The following GMPPA variants were observed in gnomAD, a reference collection of about 807,000 sequenced individuals.
The protein encoded by GMPPA is mannose-1-phosphate guanylyltransferase regulatory subunit alpha.
GMPPA carries 46 observed loss-of-function variants against 58.6 expected under a neutral mutation model. That is an observed-to-expected ratio of 0.78 (90% CI 0.62 to 1.00). The LOEUF (loss-of-function observed/expected upper bound fraction) is 1.00. Ranked by LOEUF, GMPPA falls within the 50% of genes least tolerant of loss-of-function variation. The pLI, the probability that GMPPA is intolerant of heterozygous loss-of-function variation, is 0.00. For synonymous variants in GMPPA, 211 were observed against 214.9 expected, an observed-to-expected ratio of 0.98 and a Z score of 0.16; for missense variants, 468 against 556.4, an observed-to-expected ratio of 0.84 and a Z score of 1.60.
Position 219,505,249 on chromosome 2 carries a change from G to T in GMPPA, c.642G>T (p.Trp214Cys). The change falls in exon 8 of 13, where the codon TGG becomes TGT. Residue 214 changes from tryptophan to cysteine, a missense_variant. Physicochemically the swap from Trp to Cys is radical, Grantham distance 215. Coordinates refer to ENST00000313597, the MANE Select transcript of GMPPA (RefSeq NM_013335.4). ...DGQLEDSPGL[W>C]PGAGTIRLEQ... ...CCAGGGAGGACTCACCAGGCTTGTG[G>T]CCAGGGGCAGGTACCATCCGCCTAG... The T allele has an allele frequency of 6.2e-7, 1 of 1,614,080 alleles. No homozygotes were observed. Among genetic ancestry groups the T allele is most frequent in the Non-Finnish European group, 8.5e-7 (1 of 1,179,924 alleles).
In GMPPA at chr2:219,506,890, G is replaced by A; in HGVS notation, c.*92G>A. 1 of 714,634 alleles carries A rather than the reference G, an allele frequency of 1.4e-6. No homozygotes were observed. Among genetic ancestry groups the A allele is most frequent in the Non-Finnish European group, 2.6e-6 (1 of 390,822 alleles). The allele number at this position is 714,634 out of a possible 1,614,324, so 44.3% of individuals were successfully genotyped here. A position where few individuals can be genotyped will look rare whatever the true frequency, so the allele number is the denominator to read the frequency against. On this transcript the variant is annotated 3_prime_UTR_variant, in exon 13 of 13. Transcript: ENST00000313597. ...CTCTGTCCAGAAAGGACCAGAGAAAGCCAGGCTGGATCGTCACATGCCGGG... is the reference window on the plus strand; with the variant it reads ...CTCTGTCCAGAAAGGACCAGAGAAAACCAGGCTGGATCGTCACATGCCGGG...
chr2:219,500,228 G>A lies in GMPPA; in HGVS notation c.138+10G>A. Reference sequence around the variant, plus strand: ...TGAAGCCTGTGCCCAGGTAACCTCAGGGGCTCCCCTCTCTCACCTCACTTC... The same window carrying A: ...TGAAGCCTGTGCCCAGGTAACCTCAAGGGCTCCCCTCTCTCACCTCACTTC... On this transcript the variant is annotated intron_variant, in intron 3 of 12. Coordinates refer to ENST00000313597, the MANE Select transcript of GMPPA (RefSeq NM_013335.4). 2 of 1,451,726 alleles carry A rather than the reference G, an allele frequency of 1.4e-6. No individual in the cohort carries two copies. The highest frequency in any genetic ancestry group is 1.9e-6 in the Non-Finnish European group (2 of 1,050,790). 89.9% of individuals were successfully genotyped at this position (1,451,726 alleles called of 1,614,324 possible).
In GMPPA at chr2:219,505,720, G is replaced by T. The variant is rs1439321584; in HGVS notation, c.859G>T (p.Val287Leu). ...TPGGPWIRGN[V>L]YIHPTAKVAP... is the part of the protein sequence containing the mutation. ...GGCCTCTCTTCTGCTTCTAGGGAATGTGTACATCCACCCGACCGCCAAGGT... is the reference window on the plus strand; with the variant it reads ...GGCCTCTCTTCTGCTTCTAGGGAATTTGTACATCCACCCGACCGCCAAGGT... Residue 287 changes from valine (V) to leucine (L), a missense_variant, in exon 10 of 13, where the codon GTG (valine) becomes TTG (leucine). Physicochemically the swap from Val to Leu is conservative, Grantham distance 32. Transcript: ENST00000313597. The T allele has an allele frequency of 1.2e-6, 2 of 1,612,314 alleles. No homozygotes were observed. The highest frequency in any genetic ancestry group is 3.3e-5 in the Admixed American group (2 of 60,012).
intron 12 of GMPPA, 51 bp from the exon 13 acceptor site, chr2:219,506,647 C>A: frequency 8.9e-7 from 1 of 1,122,452 alleles, no homozygotes; most frequent in Non-Finnish European, 1.3e-6. Flanking sequence ...CAGCTCCCTG[C>A]CCCTGTCTCC....
rs370710427 is a variant in GMPPA at position 219,506,410 on chromosome 2, A to C, written c.1150A>C (p.Ile384Leu). The change falls in exon 12 of 13, where the codon ATC becomes CTC. Residue 384 changes from isoleucine (I) to leucine (L), a missense_variant. Ile to Leu is a conservative substitution (Grantham distance 5, BLOSUM62 2). Transcript: ENST00000313597. ...CAAGGACGGGAAGCTGCTGCCTGCT[A>C]TCACCATCCTGGGTATGGCTTCCTG... ...LFKDGKLLPA[I>L]TILGCRVRIP... 5 of 1,612,478 alleles carry C rather than the reference A, an allele frequency of 3.1e-6. No homozygotes were observed. Among genetic ancestry groups the C allele is most frequent in the Non-Finnish European group, 3.4e-6 (4 of 1,179,532 alleles).
rs1008731693 is a variant in GMPPA, at chr2:219,502,771, G to C, written c.489+330G>C. Among the ~76,000 whole-genome samples the C allele has an allele frequency of 9.9e-5, 15 of 152,118 alleles. No individual in the cohort carries two copies. The highest frequency in any genetic ancestry group is 2.1e-4 in the Non-Finnish European group (14 of 68,004). On this transcript the variant is annotated intron_variant, in intron 6 of 12. Transcript: ENST00000313597. The surrounding 1 kb of genome is among the most constrained non-coding windows in gnomAD (Gnocchi z 4.0). ...GTCTGAGCAGAGTCCCATTTGTCTA[G>C]ATGACAAAGGAGACAGGAAGGTACT...
At position 219,505,439 on chromosome 2, in the gene GMPPA, TC is replaced by T. The variant is rs1228941298; in HGVS notation, c.756-14del. 6.3e-7 allele frequency: 1 copy of T among 1,591,694 alleles called. No individual in the cohort carries two copies. Among genetic ancestry groups the T allele is most frequent in the Non-Finnish European group, 8.6e-7 (1 of 1,168,790 alleles). The stretch of plus-strand genomic sequence containing the variant: ...GGCCCTGCTGACCCCTGAGCCCCTG[TC>T]CCCCTTGCGGTCCCCAGTTCAGCCC... On this transcript the variant is annotated intron_variant, in intron 8 of 12. Transcript: ENST00000313597.
At chr2:219,503,723 CAG>C (rs1694478489) in intron 6 of GMPPA, among the ~76,000 whole-genome samples, 1 of 152,238 alleles carries the variant, frequency 6.6e-6, no homozygotes, top group South Asian at 2.1e-4. Flanking sequence ...AGAGGACGCA[CAG>C]AGAGAGTGAC....
At position 219,505,291 on chromosome 2, in the gene GMPPA, A is replaced by C; in HGVS notation, c.684A>C (p.Ser228=). ...GTIRLEQDVF[S]ALAGQGQIYV... is the part of the protein sequence containing the mutation. ...TCCGCCTAGAGCAGGATGTGTTTTC[A>C]GCCCTGGCAGGGCAGGGCCAGATAT... The change falls in exon 8 of 13, where the codon TCA becomes TCC. Residue 228 remains serine (S), a synonymous_variant. Coordinates refer to ENST00000313597, the MANE Select transcript of GMPPA (RefSeq NM_013335.4). The C allele has an allele frequency of 6.2e-7, 1 of 1,613,878 alleles. No individual in the cohort carries two copies. Among genetic ancestry groups the C allele is most frequent in the East Asian group, 2.2e-5 (1 of 44,880 alleles).
Position 219,505,314 on chromosome 2 carries a change from T to TA in GMPPA, c.708dup (p.Tyr237IlefsTer6). ...TCAGCCCTGGCAGGGCAGGGCCAGA[T>TA]ATACGTGCATCTCACTGATGGTATC... On this transcript the variant is annotated frameshift_variant, in exon 8 of 13. Coordinates refer to ENST00000313597, the MANE Select transcript of GMPPA (RefSeq NM_013335.4). LOFTEE classifies it high-confidence loss of function. 1 of 1,614,038 alleles carries TA rather than the reference T, an allele frequency of 6.2e-7. No homozygotes were observed. Among genetic ancestry groups the TA allele is most frequent in the Non-Finnish European group, 8.5e-7 (1 of 1,179,970 alleles).
At chr2:219,505,897 T>C (rs1175456344) in intron 10 of GMPPA, 83 bp from the exon 11 acceptor site, 1 of 1,150,468 alleles carries the variant, frequency 8.7e-7, no homozygotes, top group East Asian at 2.5e-5. Flanking sequence ...AGGTCACTTA[T>C]GCCTTATCTG....
rs1306519028 is a variant in GMPPA at position 219,501,934 on chromosome 2, C to T, written c.326C>T (p.Ala109Val). ...RDQILAGSPE[A>V]FFVLNADVCS... The stretch of plus-strand genomic sequence containing the variant: ...CAGATCCTGGCTGGGAGCCCCGAGG[C>T]ATTCTTCGTGCTCAATGCTGATGTC... The change falls in exon 5 of 13, where the codon GCA (alanine) becomes GTA (valine). Residue 109 changes from alanine to valine, a missense_variant. Physicochemically the swap from Ala to Val is moderately conservative, Grantham distance 64 (BLOSUM62 0). Transcript: ENST00000313597. 3.1e-6 allele frequency: 5 copies of T among 1,614,146 alleles called. No individual in the cohort carries two copies. Among genetic ancestry groups the T allele is most frequent in the Non-Finnish European group, 4.2e-6 (5 of 1,179,968 alleles).
In GMPPA at chr2:219,504,067, C is replaced by T. The variant is rs995824237; in HGVS notation, c.490-16C>T. ...TAGTCCCTTCTTCTACTGAACCCAG[C>T]CTGCTCTGTCCTCAGGTATTGCACT... On this transcript the variant is annotated splice_polypyrimidine_tract_variant and intron_variant, in intron 6 of 12. Transcript: ENST00000313597. 1.9e-6 allele frequency: 3 copies of T among 1,613,762 alleles called. No individual in the cohort carries two copies. The African/African-American group carries it at 4.0e-5, about 22-fold the overall frequency.
At chr2:219,506,205 C>T in intron 11 of GMPPA, 49 bp from the exon 12 acceptor site, 1 of 1,561,836 alleles carries the variant, frequency 6.4e-7, no homozygotes, top group Non-Finnish European at 8.7e-7. Flanking sequence ...CCTCCGGTTC[C>T]TGCTGCCTCC....
At chr2:219,506,564 T>A in intron 12 of GMPPA, 134 bp from the exon 13 acceptor site, 1 of 1,014,730 alleles carries the variant, frequency 9.9e-7, no homozygotes, top group Non-Finnish European at 1.5e-6. Flanking sequence ...CCAGGCCCTG[T>A]GTGAGTCACC....
intron 3 of GMPPA, chr2:219,500,591 G>C: frequency 4.1e-6 from 1 of 243,562 alleles, no homozygotes; most frequent in South Asian, 6.2e-5. Context: ...ATTGAGCCAG[G>C]CAAGGTTTTG....
At position 219,501,388 on chromosome 2, in the gene GMPPA, T is replaced by C. The variant is rs1429720985; in HGVS notation, c.139-88T>C. The C allele has an allele frequency of 7.1e-6, 6 of 845,978 alleles. No individual in the cohort carries two copies. In the East Asian group the frequency reaches 9.8e-5, roughly 14 times the overall value. 52.4% of individuals were successfully genotyped at this position (845,978 alleles called of 1,614,324 possible). Reference sequence around the variant, plus strand: ...GCCCCACAGCTGAGACTGAAACTGGTTTCTGGACTTTGGGCCAGCACCAAG... The same window carrying C: ...GCCCCACAGCTGAGACTGAAACTGGCTTCTGGACTTTGGGCCAGCACCAAG... On this transcript the variant is annotated intron_variant, in intron 3 of 12. Coordinates refer to ENST00000313597, the MANE Select transcript of GMPPA (RefSeq NM_013335.4).
chr2:219,501,096 TA>T (rs1445948679), intron 3 of GMPPA: 2 of 174,032 alleles, frequency 1.1e-5, no homozygotes, highest in Admixed American at 1.2e-4. Flanking sequence ...GGCCTGGCTG[TA>T]GTCCTAGCTG....
rs986309969 is a variant in GMPPA, at chr2:219,506,918, G to A, written c.*120G>A. The A allele has an allele frequency of 3.1e-6, 2 of 655,328 alleles. No homozygotes were observed. The highest frequency in any genetic ancestry group is 5.6e-6 in the Non-Finnish European group (2 of 359,476). The allele number at this position is 655,328 out of a possible 1,614,324, so 40.6% of individuals were successfully genotyped here. On this transcript the variant is annotated 3_prime_UTR_variant, in exon 13 of 13. Transcript: ENST00000313597. ...AGGCTGGATCGTCACATGCCGGGGA[G>A]CAATGTGGATGGCCTGGGGACTCCT... is the stretch of plus-strand genomic sequence containing the variant.
Sources: allele counts gnomAD v4.1 joint callset (sites outside exome capture counted in the v4.1 genomes callset), GRCh38; gene constraint gnomAD v4.1.1; non-coding constraint Gnocchi (gnomAD v3.1); transcripts MANE v1.5; gene names NCBI Gene and HGNC (gene_info 2026-07-23, HGNC 2026-07-21).